The following DENND5B variants were observed in gnomAD, a reference collection of about 807,000 sequenced individuals.
DENND5B encodes the protein DENN domain containing 5B.
A neutral mutation model predicts 140.6 loss-of-function variants in DENND5B; 34 were observed. The ratio of observed to expected loss-of-function variants is 0.24; its 90% CI spans 0.18 to 0.32. The LOEUF (loss-of-function observed/expected upper bound fraction) is 0.32. DENND5B is among the 10% of genes least tolerant of loss of function. DENND5B has a pLI of 1.00. For missense variants in DENND5B, 1,142 were observed against 1,560.2 expected (o/e 0.73, Z 4.52); for synonymous variants, 551 against 562.1 (o/e 0.98, Z 0.28).
Position 31,479,683 on chromosome 12 carries a change from G to C in DENND5B, c.810C>G (p.Pro270=), listed in dbSNP as rs369444538. Residue 270 remains proline, a synonymous_variant, in exon 3 of 21, where the codon CCC becomes CCG. Coordinates refer to ENST00000389082, the MANE Select transcript of DENND5B (RefSeq NM_144973.4). ...GPSELPLSDY[P]LREAFELLGL... is the part of the protein sequence containing the mutation. Reference sequence around the variant, plus strand: ...CCAGGAGCTCAAATGCCTCCCGAAGGGGGTAATCAGAGAGGGGGAGTTCAC... The same window carrying C: ...CCAGGAGCTCAAATGCCTCCCGAAGCGGGTAATCAGAGAGGGGGAGTTCAC... 4.8e-4 allele frequency: 759 copies of C among 1,591,190 alleles called. 9 individuals are homozygous for C. Among genetic ancestry groups the C allele is most frequent in the South Asian group, 3.2e-3 (279 of 87,174 alleles).
Position 31,385,600 on chromosome 12 carries a change from T to C in DENND5B, c.*2003A>G, listed in dbSNP as rs1310710077. 4 of 152,300 alleles carry C rather than the reference T, an allele frequency of 2.6e-5. No individual in the cohort carries two copies. Among genetic ancestry groups the C allele is most frequent in the African/African-American group, 9.6e-5 (4 of 41,468 alleles). The allele number at this position is 152,300 out of a possible 1,614,324, so 9.4% of individuals were successfully genotyped here. The stretch of plus-strand genomic sequence containing the variant: ...ACTTCCCATGTCCCTGGAAGAGCTG[T>C]ACCATTGTAGACACACTTTAGCTTC... On this transcript the variant is annotated 3_prime_UTR_variant, in exon 21 of 21. Transcript: ENST00000389082.
chr12:31,394,228 T>A (rs1333706585), intron 17 of DENND5B, among the ~76,000 whole-genome samples: 1 of 152,132 alleles, frequency 6.6e-6, no homozygotes, highest in Non-Finnish European at 1.5e-5. Context: ...TCAGTATTAT[T>A]ATAAAACTGA....
chr12:31,406,097 C>T (rs1037654593), intron 14 of DENND5B, among the ~76,000 whole-genome samples: 3 of 151,578 alleles, frequency 2.0e-5, no homozygotes, highest in Admixed American at 6.6e-5. Flanking sequence ...TCCGCCACCT[C>T]GGCCTCCAAA....
intron 13 of DENND5B, among the ~76,000 whole-genome samples, 199 bp from the exon 14 acceptor site, chr12:31,409,583 A>G (rs1942332173): frequency 6.8e-6 from 1 of 146,280 alleles, no homozygotes; most frequent in Non-Finnish European, 1.5e-5. Flanking sequence ...GGTTCAAGTG[A>G]TTCTCCTGCC....
rs573649694 is a variant in DENND5B, at chr12:31,421,153, C to T, written c.2470+2444G>A. Among the ~76,000 whole-genome samples, 81 of 152,270 alleles carry T rather than the reference C, an allele frequency of 5.3e-4. 1 individual carries two copies. The highest frequency in any genetic ancestry group is 1.9e-3 in the African/African-American group (77 of 41,554). ...CCATCTTCCAGGTTCAAGCGATTCA[C>T]CTGCTTCACCCTCCTGAGTAGCTGG... is the stretch of plus-strand genomic sequence containing the variant. On this transcript the variant is annotated intron_variant, in intron 11 of 20. Transcript: ENST00000389082.
In DENND5B at chr12:31,451,967, G is replaced by A. The variant is rs761197565; in HGVS notation, c.1602C>T (p.Asn534=). 31 of 1,613,430 alleles carry A rather than the reference G, an allele frequency of 1.9e-5. No homozygotes were observed. The South Asian group carries it at 3.1e-4, about 16-fold the overall frequency. Residue 534 remains asparagine (N), a synonymous_variant, in exon 5 of 21, where the codon AAC becomes AAT. Coordinates refer to ENST00000389082, the MANE Select transcript of DENND5B (RefSeq NM_144973.4). ...TGTCAAAGTTCTGCATCTGTTCCCG[G>A]TTGGTCAGCCAGGATTCCATGTCCT... The part of the protein sequence containing the change: ...TAQDMESWLT[N]REQMQNFDKA...
At chr12:31,483,584 G>A (rs890566220) in intron 2 of DENND5B, among the ~76,000 whole-genome samples, 4 of 151,850 alleles carry the variant, frequency 2.6e-5, no homozygotes, top group African/African-American at 9.7e-5. Flanking sequence ...GGGATTACAG[G>A]CGTCTGCCAC....
intron 2 of DENND5B, among the ~76,000 whole-genome samples, chr12:31,494,193 C>T (rs61930320): frequency 7.5e-4 from 55 of 72,866 alleles, no homozygotes; most frequent in South Asian, 5.6e-3. Context: ...TCCATCCATC[C>T]ATCCATCCAC....
At position 31,386,371 on chromosome 12, in the gene DENND5B, C is replaced by T. The variant is rs1330419124; in HGVS notation, c.*1232G>A. The T allele has an allele frequency of 6.5e-6, 1 of 153,874 alleles. No homozygotes were observed. The highest frequency in any genetic ancestry group is 2.4e-5 in the African/African-American group (1 of 41,532). 9.5% of individuals were successfully genotyped at this position (153,874 alleles called of 1,614,324 possible). ...TGGAAAGTTACTCACAACTTTTGGT[C>T]TTTCAAAATTGTTGCCACCTCTTGC... On this transcript the variant is annotated 3_prime_UTR_variant, in exon 21 of 21. Transcript: ENST00000389082.
intron 17 of DENND5B, among the ~76,000 whole-genome samples, chr12:31,394,615 C>CT (rs33960412): frequency 0.17 from 23,844 of 137,538 alleles, 2,386 homozygotes; most frequent in Non-Finnish European, 0.23. Context: ...ACCCTGTGCT[C>CT]TTTTTTTTTT....
At chr12:31,445,853 CA>C in intron 6 of DENND5B, among the ~76,000 whole-genome samples, 1 of 151,742 alleles carries the variant, frequency 6.6e-6, no homozygotes, top group East Asian at 2.0e-4. Context: ...ACAAAAAATA[CA>C]AAAAATTACC....
intron 5 of DENND5B, 153 bp downstream of exon 5, chr12:31,451,787 G>T: frequency 1.2e-6 from 1 of 863,246 alleles, no homozygotes; most frequent in Non-Finnish European, 1.7e-6. Context: ...TTCTTAATGG[G>T]GCTGGAAGAC....
Position 31,590,967 on chromosome 12 carries a change from G to T in DENND5B, c.-135C>A. On this transcript the variant is annotated 5_prime_UTR_variant, in exon 1 of 21. Coordinates refer to ENST00000389082, the MANE Select transcript of DENND5B (RefSeq NM_144973.4). ...CTGGCGCGCCCATGGCCGCGCAGCC[G>T]CCTCTCGCCGCCGCAGCCTGCCTCC... 1 of 972,898 alleles carries T rather than the reference G, an allele frequency of 1.0e-6. No individual in the cohort carries two copies. Among genetic ancestry groups the T allele is most frequent in the Non-Finnish European group, 1.3e-6 (1 of 796,564 alleles). 60.3% of individuals were successfully genotyped at this position (972,898 alleles called of 1,614,324 possible).
Position 31,425,852 on chromosome 12 carries a change from A to C in DENND5B, c.2238+441T>G, listed in dbSNP as rs578142714. Among the ~76,000 whole-genome samples, 4 of 152,330 alleles carry C rather than the reference A, an allele frequency of 2.6e-5. No individual in the cohort carries two copies. In the South Asian group the frequency reaches 8.3e-4, roughly 32 times the overall value. ...CCAATAAACACAGGTTTCTGAGAGG[A>C]GAACGTTGTGCAATATACACAAACC... On this transcript the variant is annotated intron_variant, in intron 9 of 20. Transcript: ENST00000389082.
At chr12:31,435,449 G>A (rs563938984) in intron 7 of DENND5B, among the ~76,000 whole-genome samples, 17 of 152,038 alleles carry the variant, frequency 1.1e-4, no homozygotes, top group Admixed American at 3.3e-4. Context: ...TTGCTGTATC[G>A]CCAATCTTTT....
chr12:31,574,816 T>A (rs1293928676), intron 1 of DENND5B, among the ~76,000 whole-genome samples: 2 of 152,190 alleles, frequency 1.3e-5, no homozygotes, highest in Non-Finnish European at 2.9e-5. Context: ...GATTTTACAT[T>A]CTAGTACACA....
At chr12:31,437,527 A>G (rs1943835038) in intron 7 of DENND5B, among the ~76,000 whole-genome samples, 1 of 152,220 alleles carries the variant, frequency 6.6e-6, no homozygotes, top group African/African-American at 2.4e-5. Context: ...TAGATATGTA[A>G]TAACAAACTG....
chr12:31,455,561 C>G (rs1944731919), intron 4 of DENND5B, among the ~76,000 whole-genome samples: 1 of 152,172 alleles, frequency 6.6e-6, no homozygotes, highest in African/African-American at 2.4e-5. Context: ...TAAGTTGCTT[C>G]TCACTTTTAA....
At chr12:31,496,860 G>C (rs947798277) in intron 1 of DENND5B, among the ~76,000 whole-genome samples, 3 of 151,922 alleles carry the variant, frequency 2.0e-5, no homozygotes, top group Admixed American at 2.0e-4. Flanking sequence ...TAAGGTAGAC[G>C]GATCTTAAAT....
Sources: allele counts gnomAD v4.1 joint callset (sites outside exome capture counted in the v4.1 genomes callset), GRCh38; gene constraint gnomAD v4.1.1; transcripts MANE v1.5; gene names NCBI Gene and HGNC (gene_info 2026-07-23, HGNC 2026-07-21).